The following SLC1A3 variants were observed in gnomAD, a reference collection of about 807,000 sequenced individuals.
SLC1A3 encodes the protein excitatory amino acid transporter 1.
Under a neutral mutation model 48.1 loss-of-function variants are expected in SLC1A3, and 21 were observed. The ratio of observed to expected loss-of-function variants is 0.44; its 90% CI spans 0.31 to 0.63. SLC1A3 has a LOEUF of 0.63. Ranked by LOEUF, SLC1A3 falls within the 20% of genes least tolerant of loss-of-function variation. SLC1A3 has a pLI of 0.08. For missense variants in SLC1A3, 546 were observed against 689.0 expected (o/e 0.79, Z 2.32); for synonymous variants, 239 against 251.4 (o/e 0.95, Z 0.47).
intron 3 of SLC1A3, chr5:36,636,505 T>TTCTTTCTTTCTTTCTTTCTTTCTC (rs1177117898): frequency 2.7e-4 from 19 of 70,200 alleles, no homozygotes; most frequent in East Asian, 7.3e-4. Flanking sequence ...CTTTCTTTCT[T>TTCTTTCTTTCTTTCTTTCTTTCTC]TTTCTTTCTT....
chr5:36,679,627 G>A lies in SLC1A3; in HGVS notation c.861G>A (p.Trp287Ter). 1.2e-6 allele frequency: 2 copies of A among 1,610,284 alleles called. No individual in the cohort carries two copies. The highest frequency in any genetic ancestry group is 1.7e-6 in the Non-Finnish European group (2 of 1,176,588). Residue 287 changes from tryptophan to a stop codon, truncating the protein, a stop_gained and splice_region_variant, in exon 7 of 10, where the codon TGG becomes TGA. Coordinates refer to ENST00000265113, the MANE Select transcript of SLC1A3 (RefSeq NM_004172.5). LOFTEE classifies it high-confidence loss of function. ...CCGTGCTGGTGTTGCTTCTCCCCAG[G>A]TATGCCCCCGTGGGTATTCTCTTCC... is the stretch of plus-strand genomic sequence containing the variant. ...AIMRLVAVIM[W>*]YAPVGILFLI...
intron 4 of SLC1A3, among the ~76,000 whole-genome samples, chr5:36,673,352 A>T (rs1742073359): frequency 6.6e-6 from 1 of 152,190 alleles, no homozygotes; most frequent in Non-Finnish European, 1.5e-5. Context: ...AATGAGACAT[A>T]AATGGGTGCC....
intron 4 of SLC1A3, among the ~76,000 whole-genome samples, chr5:36,673,225 A>G (rs918444744): frequency 1.3e-5 from 2 of 152,202 alleles, no homozygotes; most frequent in African/African-American, 2.4e-5. Flanking sequence ...GATAACGTGC[A>G]ACTGCTGGAT....
chr5:36,608,639 T>C, intron 2 of SLC1A3, 35 bp downstream of exon 2: 1 of 1,609,598 alleles, frequency 6.2e-7, no homozygotes, highest in Non-Finnish European at 8.5e-7. Context: ...AAAACCTGTA[T>C]CTTGTTTCTC....
At chr5:36,597,411 T>C (rs181455332) in intron 1 of SLC1A3, among the ~76,000 whole-genome samples, 259 of 151,572 alleles carry the variant, frequency 1.7e-3, no homozygotes, top group African/African-American at 6.0e-3. Flanking sequence ...GCCCGGCTAG[T>C]TTTTGTATTT....
intron 1 of SLC1A3, among the ~76,000 whole-genome samples, chr5:36,599,113 A>G (rs1196033683): frequency 2.0e-5 from 3 of 152,226 alleles, no homozygotes; most frequent in East Asian, 1.9e-4. Context: ...CAAGTGCTCA[A>G]TGGTTACATG....
At chr5:36,652,588 G>A (rs187021652) in intron 3 of SLC1A3, among the ~76,000 whole-genome samples, 2 of 152,244 alleles carry the variant, frequency 1.3e-5, no homozygotes, top group Admixed American at 1.3e-4. Flanking sequence ...CTAGATTCAC[G>A]TCTTCTGAAG....
At chr5:36,643,397 G>T (rs1169373507) in intron 3 of SLC1A3, among the ~76,000 whole-genome samples, 6 of 152,108 alleles carry the variant, frequency 3.9e-5, no homozygotes, top group African/African-American at 9.7e-5. Context: ...GGTTTGATTT[G>T]CACTTCTCTG....
chr5:36,610,119 A>G (rs1289211814), intron 2 of SLC1A3, among the ~76,000 whole-genome samples: 1 of 152,216 alleles, frequency 6.6e-6, no homozygotes, highest in African/African-American at 2.4e-5. Flanking sequence ...CCAAAGTGAC[A>G]ACACTAGTAA....
chr5:36,659,912 A>G (rs1294047864), intron 3 of SLC1A3, among the ~76,000 whole-genome samples: 1 of 152,254 alleles, frequency 6.6e-6, no homozygotes, highest in Non-Finnish European at 1.5e-5. Flanking sequence ...ATGTAACTTC[A>G]CTACCTTACC....
chr5:36,684,231 C>T (rs1234383578), intron 9 of SLC1A3, among the ~76,000 whole-genome samples: 1 of 152,268 alleles, frequency 6.6e-6, no homozygotes, highest in Non-Finnish European at 1.5e-5. Context: ...GGCTGCCACA[C>T]ATCTCACTCC....
At chr5:36,660,731 CTA>C (rs1741476048) in intron 3 of SLC1A3, among the ~76,000 whole-genome samples, 1 of 152,196 alleles carries the variant, frequency 6.6e-6, no homozygotes, top group Admixed American at 6.5e-5. Flanking sequence ...CTAGGTGAGA[CTA>C]TTCTTTTATA....
upstream of SLC1A3, among the ~76,000 whole-genome samples, chr5:36,603,968 G>A (rs780599285): frequency 2.2e-4 from 33 of 152,260 alleles, no homozygotes; most frequent in Non-Finnish European, 4.1e-4. Flanking sequence ...GGTGAAGTTT[G>A]ACTGGCCTGT....
chr5:36,649,798 G>A (rs562175917), intron 3 of SLC1A3, among the ~76,000 whole-genome samples: 62 of 152,218 alleles, frequency 4.1e-4, no homozygotes, highest in Non-Finnish European at 7.5e-4. Flanking sequence ...TGTTGGTGTA[G>A]AGAGAGCAGA....
chr5:36,669,144 G>A (rs1039356960), intron 3 of SLC1A3: 1 of 152,222 alleles, frequency 6.6e-6, no homozygotes, highest in African/African-American at 2.4e-5. Context: ...GAGAGAGCCG[G>A]AAGAATTGCA....
At position 36,676,993 on chromosome 5, in the gene SLC1A3, T is replaced by C. The variant is rs765189638; in HGVS notation, c.669T>C (p.Thr223=). 3.7e-6 allele frequency: 6 copies of C among 1,614,060 alleles called. No individual in the cohort carries two copies. The South Asian group carries it at 6.6e-5, about 18-fold the overall frequency. The change falls in exon 6 of 10, where the codon ACT becomes ACC. Residue 223 remains threonine (T), a synonymous_variant. Transcript: ENST00000265113. ...VINNVSEAME[T]LTRITEELVP... ...ACAATGTGTCTGAGGCCATGGAGACTCTTACCCGAATCACAGAGGAGCTGG... is the reference window on the plus strand; with the variant it reads ...ACAATGTGTCTGAGGCCATGGAGACCCTTACCCGAATCACAGAGGAGCTGG...
In SLC1A3 at chr5:36,671,133, GT is replaced by G; in HGVS notation, c.425del (p.Val142AlafsTer23). ...TGCTGTGGTGATTGGCATAATCATT[GT>G]CATCATCATCCATCCTGGGAAGGGC... Reference protein sequence around the residue: ...IIAVVIGIIIVIIIHPGKGTK... With the variant: ...IIAVVIGIIIXIIIHPGKGTK... On this transcript the variant is annotated frameshift_variant, in exon 4 of 10. Coordinates refer to ENST00000265113, the MANE Select transcript of SLC1A3 (RefSeq NM_004172.5). LOFTEE classifies it high-confidence loss of function. 6.2e-7 allele frequency: 1 copy of G among 1,613,832 alleles called. No homozygotes were observed. Among genetic ancestry groups the G allele is most frequent in the Non-Finnish European group, 8.5e-7 (1 of 1,179,736 alleles).
chr5:36,610,380 T>C (rs187273384), intron 2 of SLC1A3, among the ~76,000 whole-genome samples: 1 of 152,342 alleles, frequency 6.6e-6, no homozygotes, highest in African/African-American at 2.4e-5. Flanking sequence ...CACTTCCTTC[T>C]CATTCATTTA....
At chr5:36,616,442 T>C (rs1739439319) in intron 2 of SLC1A3, among the ~76,000 whole-genome samples, 1 of 152,174 alleles carries the variant, frequency 6.6e-6, no homozygotes, top group Non-Finnish European at 1.5e-5. Flanking sequence ...CAGGTAAATT[T>C]AGGCGCAGCA....
Sources: gnomAD v4.1 joint callset for allele counts (sites outside exome capture counted in the v4.1 genomes callset) on GRCh38, gnomAD v4.1.1 for gene constraint, MANE v1.5 for transcripts, NCBI Gene and HGNC (gene_info 2026-07-23, HGNC 2026-07-21) for gene names.